Variants in ZNF697 observed in about 807,000 individuals in gnomAD.
The protein encoded by ZNF697 is zinc finger protein 697.
In ZNF697, 23 loss-of-function variants were observed where a neutral mutation model predicts 32.4. The ratio of observed to expected loss-of-function variants is 0.71; its 90% confidence interval spans 0.51 to 1.01. The LOEUF (loss-of-function observed/expected upper bound fraction) is 1.01, where lower values mean the gene tolerates loss of function less well. Ranked by LOEUF, ZNF697 falls within the 50% of genes least tolerant of loss-of-function variation. The pLI is 0.00. For missense variants in ZNF697, 930 were observed against 794.0 expected (o/e 1.17, Z -2.06); for synonymous variants, 418 against 337.2 (o/e 1.24, Z -2.62).
chr1:119,624,620 A>T (rs191930967), intron 2 of ZNF697, among the ~76,000 whole-genome samples: 45 of 152,264 alleles, frequency 3.0e-4, no homozygotes, highest in African/African-American at 1.0e-3. Context: ...TTTGAGACAG[A>T]GTCTTGCTCT....
chr1:119,635,859 C>CT (rs2101090651), intron 1 of ZNF697, among the ~76,000 whole-genome samples: 1 of 152,318 alleles, frequency 6.6e-6, no homozygotes, highest in South Asian at 2.1e-4. Flanking sequence ...CAGAGAAACT[C>CT]TGAGGATGCC....
Position 119,623,522 on chromosome 1 carries a change from G to A in ZNF697, c.821C>T (p.Thr274Ile). Residue 274 changes from threonine to isoleucine, a missense_variant, in exon 3 of 3, where the codon ACC becomes ATC. Coordinates refer to ENST00000421812, the MANE Select transcript of ZNF697 (RefSeq NM_001080470.2). ...GECGKGFSRN[T>I]YLTNHLRLHT... is the part of the protein sequence containing the mutation. ...CAGGCGCAGGTGGTTGGTCAGGTAG[G>A]TGTTGCGGCTGAAGCCCTTGCCGCA... 1 of 1,563,646 alleles carries A rather than the reference G, an allele frequency of 6.4e-7. No individual in the cohort carries two copies. The highest frequency in any genetic ancestry group is 1.2e-5 in the South Asian group (1 of 86,228).
At position 119,622,795 on chromosome 1, in the gene ZNF697, C is replaced by G. The variant is rs1227037917; in HGVS notation, c.1548G>C (p.Thr516=). ...SHLIRHRRIH[T]GNKPHKCAGC... ...CCGCACACTTGTGCGGCTTGTTGCC[C>G]GTGTGGATGCGGCGGTGGCGGATCA... is the stretch of plus-strand genomic sequence containing the variant. The change falls in exon 3 of 3, where the codon ACG becomes ACC. Residue 516 remains threonine, a synonymous_variant. Coordinates refer to ENST00000421812, the MANE Select transcript of ZNF697 (RefSeq NM_001080470.2). 1.3e-6 allele frequency: 2 copies of G among 1,599,896 alleles called. No homozygotes were observed. The highest frequency in any genetic ancestry group is 2.3e-5 in the East Asian group (1 of 44,150).
chr1:119,628,160 A>C (rs887384624), intron 1 of ZNF697, among the ~76,000 whole-genome samples: 1 of 152,084 alleles, frequency 6.6e-6, no homozygotes, highest in Non-Finnish European at 1.5e-5. Flanking sequence ...TCAAATAAGC[A>C]TGTCATCAGA....
chr1:119,642,570 T>C (rs1054487489), intron 1 of ZNF697, among the ~76,000 whole-genome samples: 2 of 152,214 alleles, frequency 1.3e-5, no homozygotes, highest in Non-Finnish European at 2.9e-5. Flanking sequence ...TGTACATATA[T>C]GTAAGCTATC....
rs1388149484 is a variant in ZNF697 at position 119,623,592 on chromosome 1, G to C, written c.751C>G (p.Pro251Ala). The C allele has an allele frequency of 1.3e-5, 18 of 1,437,212 alleles. No individual in the cohort carries two copies. In the African/African-American group the frequency reaches 1.8e-4, roughly 15 times the overall value. 89.0% of individuals were successfully genotyped at this position (1,437,212 alleles called of 1,614,324 possible). A position where few individuals can be genotyped will look rare whatever the true frequency, so the allele number is the denominator to read the frequency against. ...TTTTCGCGCGGGGGCCGGGCCAGCG[G>C]GGGCCCGGCCCCGAAGCCCCCCGCC... ...GVAGGFGAGP[P>A]LARPPREKPF... Residue 251 changes from proline (P) to alanine (A), a missense_variant, in exon 3 of 3, where the codon CCG (proline) becomes GCG (alanine). Physicochemically the swap from Pro to Ala is conservative, Grantham distance 27. Coordinates refer to ENST00000421812, the MANE Select transcript of ZNF697 (RefSeq NM_001080470.2).
rs1005901907 is a variant in ZNF697, at chr1:119,620,635, G to A, written c.*2070C>T. On this transcript the variant is annotated 3_prime_UTR_variant, in exon 3 of 3. Coordinates refer to ENST00000421812, the MANE Select transcript of ZNF697 (RefSeq NM_001080470.2). ...TGACTAGAAGAAAATGAGAATTAAT[G>A]TCTTTCAAAACTGTCTGTAGTTTGA... 6.6e-6 allele frequency: 1 copy of A among 152,602 alleles called. No homozygotes were observed. The highest frequency in any genetic ancestry group is 1.5e-5 in the Non-Finnish European group (1 of 68,016). The allele number at this position is 152,602 out of a possible 1,614,324, so 9.5% of individuals were successfully genotyped here. A position where few individuals can be genotyped will look rare whatever the true frequency, so the allele number is the denominator to read the frequency against.
At chr1:119,644,523 TGACAGTCAGCA>T (rs1649154231) in intron 1 of ZNF697, among the ~76,000 whole-genome samples, 1 of 152,314 alleles carries the variant, frequency 6.6e-6, no homozygotes, top group East Asian at 1.9e-4. Context: ...TGAACAGGCT[TGACAGTCAGCA>T]GACGTAAATT....
rs1475382994 is a variant in ZNF697, at chr1:119,620,438, A to G, written c.*2267T>C. ...GTTGGATGAGATTTCATAGGCACAG[A>G]CTTGAGAAAACTTAAAACAGCTGGA... On this transcript the variant is annotated 3_prime_UTR_variant, in exon 3 of 3. Transcript: ENST00000421812. 1 of 152,648 alleles carries G rather than the reference A, an allele frequency of 6.6e-6. No individual in the cohort carries two copies. Among genetic ancestry groups the G allele is most frequent in the Non-Finnish European group, 1.5e-5 (1 of 68,044 alleles). 9.5% of individuals were successfully genotyped at this position (152,648 alleles called of 1,614,324 possible). A position where few individuals can be genotyped will look rare whatever the true frequency, so the allele number is the denominator to read the frequency against.
chr1:119,634,538 G>A (rs1648870261), intron 1 of ZNF697, among the ~76,000 whole-genome samples: 1 of 152,204 alleles, frequency 6.6e-6, no homozygotes. Flanking sequence ...TCAGCATGAA[G>A]TAAAACATTT....
At chr1:119,642,965 A>G (rs587632334) in intron 1 of ZNF697, among the ~76,000 whole-genome samples, 2 of 152,346 alleles carry the variant, frequency 1.3e-5, no homozygotes, top group South Asian at 4.1e-4. Flanking sequence ...AACAACTGGA[A>G]AAGTCTTCCT....
intron 1 of ZNF697, among the ~76,000 whole-genome samples, chr1:119,635,301 C>T (rs1038523360): frequency 1.3e-5 from 2 of 152,078 alleles, no homozygotes; most frequent in Non-Finnish European, 2.9e-5. Context: ...TAATACTGAA[C>T]AGAGCTCATG....
rs143699954 is a variant in ZNF697 at position 119,633,283 on chromosome 1, A to T, written c.-37-7146T>A. ...CTTCAAAAAATAGCCAGATAAATTG[A>T]GGACATATACTTGTCTTTTCTTTTT... On this transcript the variant is annotated intron_variant, in intron 1 of 2. Coordinates refer to ENST00000421812, the MANE Select transcript of ZNF697 (RefSeq NM_001080470.2). Among the ~76,000 whole-genome samples, 321 of 152,206 alleles carry T rather than the reference A, an allele frequency of 2.1e-3. 1 individual carries two copies. Among genetic ancestry groups the T allele is most frequent in the Non-Finnish European group, 3.6e-3 (243 of 68,014 alleles).
rs1279606329 is a variant in ZNF697 at position 119,619,880 on chromosome 1, A to G, written c.*2825T>C. On this transcript the variant is annotated 3_prime_UTR_variant, in exon 3 of 3. Transcript: ENST00000421812. ...AAGACTGCTCTTCATCAAATTCTCCAGGAAACAAATAATACACTTGCTTCC... is the reference window on the plus strand; with the variant it reads ...AAGACTGCTCTTCATCAAATTCTCCGGGAAACAAATAATACACTTGCTTCC... 1 of 152,664 alleles carries G rather than the reference A, an allele frequency of 6.6e-6. No individual in the cohort carries two copies. Among genetic ancestry groups the G allele is most frequent in the African/African-American group, 2.4e-5 (1 of 41,470 alleles). The allele number at this position is 152,664 out of a possible 1,614,324, so 9.5% of individuals were successfully genotyped here.
chr1:119,642,540 TTA>T (rs892953392), intron 1 of ZNF697, among the ~76,000 whole-genome samples: 1 of 152,050 alleles, frequency 6.6e-6, no homozygotes. Context: ...TTTTGAAATT[TTA>T]TATATATATG....
chr1:119,623,585 G>A lies in ZNF697; in HGVS notation c.758C>T (p.Ala253Val), dbSNP rs748180275. The change falls in exon 3 of 3, where the codon GCC becomes GTC. Residue 253 changes from alanine to valine, a missense_variant. Physicochemically the swap from Ala to Val is moderately conservative, Grantham distance 64. Transcript: ENST00000421812. ...GAAGGGCTTTTCGCGCGGGGGCCGG[G>A]CCAGCGGGGGCCCGGCCCCGAAGCC... ...AGGFGAGPPL[A>V]RPPREKPFRC... is the part of the protein sequence containing the mutation. 7 of 1,439,726 alleles carry A rather than the reference G, an allele frequency of 4.9e-6. No homozygotes were observed. Among genetic ancestry groups the A allele is most frequent in the African/African-American group, 4.6e-5 (3 of 65,616 alleles). 89.2% of individuals were successfully genotyped at this position (1,439,726 alleles called of 1,614,324 possible). A position where few individuals can be genotyped will look rare whatever the true frequency, so the allele number is the denominator to read the frequency against.
intron 1 of ZNF697, among the ~76,000 whole-genome samples, chr1:119,631,626 C>G (rs911921685): frequency 1.3e-5 from 2 of 152,050 alleles, no homozygotes; most frequent in African/African-American, 4.8e-5. Context: ...GCCCCGCCAG[C>G]CCCCAGGGCA....
At chr1:119,642,709 TCAAA>T (rs1054533683) in intron 1 of ZNF697, among the ~76,000 whole-genome samples, 1 of 152,200 alleles carries the variant, frequency 6.6e-6, no homozygotes, top group African/African-American at 2.4e-5. Context: ...CAAATATTTA[TCAAA>T]CACTTACCAT....
intron 1 of ZNF697, among the ~76,000 whole-genome samples, chr1:119,635,329 C>T (rs1648892010): frequency 6.6e-6 from 1 of 152,142 alleles, no homozygotes; most frequent in South Asian, 2.1e-4. Context: ...GGAGAAGGGG[C>T]AGTGGAGCAA....
Sources: gnomAD v4.1 joint callset for allele counts (sites outside exome capture counted in the v4.1 genomes callset) on GRCh38, gnomAD v4.1.1 for gene constraint, MANE v1.5 for transcripts, NCBI Gene and HGNC (gene_info 2026-07-23, HGNC 2026-07-21) for gene names.